Variants in HMCN1 observed in about 807,000 individuals in gnomAD.
HMCN1 encodes hemicentin-1.
A neutral mutation model predicts 625.9 loss-of-function variants in HMCN1; 321 were observed. That is an observed-to-expected ratio of 0.51 (90% confidence interval 0.47 to 0.56). The LOEUF is 0.56. Ranked by LOEUF, HMCN1 falls within the 20% of genes least tolerant of loss-of-function variation. The pLI is 0.00. For missense variants in HMCN1, 6,588 were observed against 6,887.3 expected (o/e 0.96, Z 1.54); for synonymous variants, 2,425 against 2,417.6 (o/e 1.00, Z -0.09).
rs1571631913 is a variant in HMCN1, at chr1:185,966,654, G to A, written c.2212+739G>A. ...AAACACCCTAACTGGGAGGTTGCTA[G>A]GATTATTGAGATGCTGTTTGCAAAA... On this transcript the variant is annotated intron_variant, in intron 14 of 106. Coordinates refer to ENST00000271588, the MANE Select transcript of HMCN1 (RefSeq NM_031935.3). 4.6e-5 allele frequency among the ~76,000 whole-genome samples: 7 copies of A among 152,196 alleles called. 1 individual carries two copies. In the South Asian group the frequency reaches 1.5e-3, roughly 32 times the overall value.
At chr1:185,808,221 C>T (rs1438613453) in intron 1 of HMCN1, among the ~76,000 whole-genome samples, 1 of 152,076 alleles carries the variant, frequency 6.6e-6, no homozygotes, top group Non-Finnish European at 1.5e-5. Context: ...GTGGTGTGCG[C>T]CTGTAATCCC....
intron 11 of HMCN1, among the ~76,000 whole-genome samples, chr1:185,943,991 G>GC (rs1668210325): frequency 6.6e-6 from 1 of 152,020 alleles, no homozygotes; most frequent in Non-Finnish European, 1.5e-5. Context: ...TCACATTATT[G>GC]CCCCAAGGAA....
chr1:185,780,171 T>A (rs1363582244), intron 1 of HMCN1, among the ~76,000 whole-genome samples: 1 of 152,212 alleles, frequency 6.6e-6, no homozygotes, highest in African/African-American at 2.4e-5. Context: ...TGTATAAGAA[T>A]GCTTGTGATT....
Position 186,020,237 on chromosome 1 carries a change from TGATA to T in HMCN1, c.5625+570_5625+573del, listed in dbSNP as rs4007525. ...CATATTTGTTAAATTAGTAGATTGATGATAGATAGATAGATAGATAGATAGATAG... is the reference window on the plus strand; with the variant it reads ...CATATTTGTTAAATTAGTAGATTGATGATAGATAGATAGATAGATAGATAG... On this transcript the variant is annotated intron_variant, in intron 35 of 106. Coordinates refer to ENST00000271588, the MANE Select transcript of HMCN1 (RefSeq NM_031935.3). Among the ~76,000 whole-genome samples the T allele has an allele frequency of 9.8e-3, 1,468 of 149,962 alleles. 77 individuals are homozygous for T. Among genetic ancestry groups the T allele is most frequent in the Admixed American group, 0.083 (1,240 of 14,986 alleles).
chr1:185,851,671 A>G (rs1321639233), intron 2 of HMCN1, among the ~76,000 whole-genome samples: 2 of 152,142 alleles, frequency 1.3e-5, no homozygotes, highest in African/African-American at 2.4e-5. Flanking sequence ...TTTGGGACAC[A>G]TTCTTTATAA....
intron 36 of HMCN1, among the ~76,000 whole-genome samples, chr1:186,035,741 A>T (rs1247210634): frequency 1.3e-5 from 2 of 152,074 alleles, no homozygotes; most frequent in Non-Finnish European, 2.9e-5. Flanking sequence ...TTAAATTGTG[A>T]TTATAAAATA....
At chr1:186,083,468 A>AT (rs1223219480) in intron 57 of HMCN1, among the ~76,000 whole-genome samples, 4 of 150,258 alleles carry the variant, frequency 2.7e-5, no homozygotes, top group African/African-American at 9.9e-5. Flanking sequence ...TTTTAAATAC[A>AT]TGCTAGACAC....
At position 185,737,337 on chromosome 1, in the gene HMCN1, C is replaced by T. The variant is rs1482926205; in HGVS notation, c.268+2290C>T. On this transcript the variant is annotated intron_variant, in intron 1 of 106. Transcript: ENST00000271588. ...TGACTAATTATTTTTTTCATAGAGACAGGGGTTCCACTATGTTGCCCGGGC... is the reference window on the plus strand; with the variant it reads ...TGACTAATTATTTTTTTCATAGAGATAGGGGTTCCACTATGTTGCCCGGGC... 2.0e-5 allele frequency among the ~76,000 whole-genome samples: 3 copies of T among 151,762 alleles called. No homozygotes were observed. In the East Asian group the frequency reaches 5.8e-4, roughly 29 times the overall value.
chr1:186,095,615 G>A, intron 68 of HMCN1, 94 bp downstream of exon 68: 1 of 1,377,646 alleles, frequency 7.3e-7, no homozygotes, highest in Non-Finnish European at 9.8e-7. Context: ...CAGTTGCTGT[G>A]AGAGAATTTT....
At chr1:186,115,105 A>C (rs1164590420) in intron 74 of HMCN1, among the ~76,000 whole-genome samples, 153 bp from the exon 75 acceptor site, 2 of 152,208 alleles carry the variant, frequency 1.3e-5, no homozygotes, top group African/African-American at 4.8e-5. Flanking sequence ...AGTATAGTTA[A>C]TATCATCACA....
intron 97 of HMCN1, among the ~76,000 whole-genome samples, chr1:186,159,803 G>T (rs185910664): frequency 6.6e-6 from 1 of 152,108 alleles, no homozygotes; most frequent in African/African-American, 2.4e-5. Flanking sequence ...TTTTTGATGC[G>T]CTTGCTGGAT....
In HMCN1 at chr1:186,064,435, C is replaced by G. The variant is rs76891344; in HGVS notation, c.7514-803C>G. 1.6e-3 allele frequency among the ~76,000 whole-genome samples: 238 copies of G among 152,094 alleles called. 2 individuals carry two copies. The East Asian group carries it at 0.016, about 10-fold the overall frequency. On this transcript the variant is annotated intron_variant, in intron 48 of 106. Coordinates refer to ENST00000271588, the MANE Select transcript of HMCN1 (RefSeq NM_031935.3). Reference sequence around the variant, plus strand: ...ATCTATGATAGAATCCTGGTATAGACTCAAAATATCTGCATGTTGAATTAA... The same window carrying G: ...ATCTATGATAGAATCCTGGTATAGAGTCAAAATATCTGCATGTTGAATTAA...
intron 1 of HMCN1, among the ~76,000 whole-genome samples, chr1:185,789,313 T>G (rs1166834870): frequency 6.6e-6 from 1 of 152,086 alleles, no homozygotes; most frequent in African/African-American, 2.4e-5. Context: ...TTTCAGGTGG[T>G]TCGTGAGCAC....
intron 2 of HMCN1, among the ~76,000 whole-genome samples, chr1:185,862,156 A>G (rs1662912503): frequency 6.6e-6 from 1 of 152,052 alleles, no homozygotes; most frequent in Non-Finnish European, 1.5e-5. Context: ...AAAGGGAGCA[A>G]TTTGTGGAGA....
chr1:186,118,893 G>A (rs796986745), intron 77 of HMCN1, among the ~76,000 whole-genome samples: 4 of 152,152 alleles, frequency 2.6e-5, no homozygotes, highest in African/African-American at 9.7e-5. Context: ...GGGTTCTTTT[G>A]GGGGTGATGG....
intron 55 of HMCN1, among the ~76,000 whole-genome samples, chr1:186,078,693 CT>C (rs1658976486): frequency 6.6e-6 from 1 of 152,172 alleles, no homozygotes; most frequent in African/African-American, 2.4e-5. Flanking sequence ...AATTGAAGCC[CT>C]AGAATTGAAT....
intron 72 of HMCN1, among the ~76,000 whole-genome samples, chr1:186,113,513 T>C (rs1054270931): frequency 2.6e-5 from 4 of 152,378 alleles, no homozygotes; most frequent in Middle Eastern, 3.4e-3. Flanking sequence ...TATTCCCATA[T>C]GAACTCAATG....
chr1:186,146,068 C>T lies in HMCN1; in HGVS notation c.14608+145C>T, dbSNP rs1650300689. 4.8e-6 allele frequency: 4 copies of T among 838,928 alleles called. No individual in the cohort carries two copies. The African/African-American group carries it at 5.1e-5, about 11-fold the overall frequency. The allele number at this position is 838,928 out of a possible 1,614,324, so 52.0% of individuals were successfully genotyped here. On this transcript the variant is annotated intron_variant, in intron 93 of 106. Transcript: ENST00000271588. ...AGTGCTTTCTTGCTCCTAATTGGTA[C>T]AGTTCTGTATCAATCCAAGGCTGGG...
chr1:185,944,859 A>G (rs991714540), intron 11 of HMCN1, among the ~76,000 whole-genome samples: 29 of 152,236 alleles, frequency 1.9e-4, no homozygotes, highest in African/African-American at 7.0e-4. Flanking sequence ...AATGAGAAGC[A>G]GAGTGTTTAG....
Sources: allele counts gnomAD v4.1 joint callset (sites outside exome capture counted in the v4.1 genomes callset), GRCh38; gene constraint gnomAD v4.1.1; transcripts MANE v1.5; gene names NCBI Gene and HGNC (gene_info 2026-07-23, HGNC 2026-07-21).